Variants in RPTN observed in about 807,000 individuals in gnomAD.
RPTN encodes the protein repetin, also known as intermediate filament-associated protein.
A neutral mutation model predicts 3.6 loss-of-function variants in RPTN; 4 were observed. The ratio of observed to expected loss-of-function variants is 1.12; its 90% CI spans 0.55 to 2.55. The LOEUF is 2.55. Ranked by LOEUF, RPTN falls within the 30% of genes most tolerant of loss-of-function variation. The pLI is 0.02. For missense variants in RPTN, 860 were observed against 916.7 expected (o/e 0.94, Z 0.80); for synonymous variants, 293 against 319.3 (o/e 0.92, Z 0.88).
chr1:152,154,602 G>T lies in RPTN; in HGVS notation c.*142C>A. On this transcript the variant is annotated 3_prime_UTR_variant, in exon 3 of 3. Transcript: ENST00000316073. Reference sequence around the variant, plus strand: ...TGGCTCTGGTCATCCTCTTTCATGTGGAATTTTTCTCTGTTAGGACAGCTT... The same window carrying T: ...TGGCTCTGGTCATCCTCTTTCATGTTGAATTTTTCTCTGTTAGGACAGCTT... The T allele has an allele frequency of 8.6e-7, 1 of 1,163,710 alleles. No homozygotes were observed. The highest frequency in any genetic ancestry group is 1.2e-6 in the Non-Finnish European group (1 of 814,156). 72.1% of individuals were successfully genotyped at this position (1,163,710 alleles called of 1,614,324 possible).
In RPTN at chr1:152,154,698, T is replaced by C; in HGVS notation, c.*46A>G. On this transcript the variant is annotated 3_prime_UTR_variant, in exon 3 of 3. Coordinates refer to ENST00000316073, the MANE Select transcript of RPTN (RefSeq NM_001122965.1). ...TCTTTCTCCTCATAGTTTTGTCTAT[T>C]ATGTTGTTGCTGATGGTTTTGATCC... 1 of 1,602,298 alleles carries C rather than the reference T, an allele frequency of 6.2e-7. No homozygotes were observed. Among genetic ancestry groups the C allele is most frequent in the Non-Finnish European group, 8.5e-7 (1 of 1,173,694 alleles).
rs750184332 is a variant in RPTN at position 152,156,123 on chromosome 1, C to T, written c.976G>A (p.Gly326Ser). ...GGCTGACTGTAGTGGGAACTCTGGC[C>T]TTGTCTGTCCGTCTGACTGTAGTGG... ...SSHYSQTDRQ[G>S]QSSHYSQPDR... The change falls in exon 3 of 3, where the codon GGC becomes AGC. Residue 326 changes from glycine to serine, a missense_variant. By Grantham distance (56) the Gly-to-Ser change is moderately conservative (BLOSUM62 0). Coordinates refer to ENST00000316073, the MANE Select transcript of RPTN (RefSeq NM_001122965.1). 6.2e-7 allele frequency: 1 copy of T among 1,613,726 alleles called. No individual in the cohort carries two copies. The highest frequency in any genetic ancestry group is 1.7e-5 in the Admixed American group (1 of 60,010).
chr1:152,156,977 C>G lies in RPTN; in HGVS notation c.139-17G>C. The G allele has an allele frequency of 1.3e-6, 2 of 1,597,094 alleles. No individual in the cohort carries two copies. The highest frequency in any genetic ancestry group is 1.7e-6 in the Non-Finnish European group (2 of 1,171,528). ...ATTTGGTCTCTGTTAGGAGATAAAA[C>G]AAAGAGCAAAATCAGATGCTGTCTT... On this transcript the variant is annotated splice_polypyrimidine_tract_variant and intron_variant, in intron 2 of 2. Transcript: ENST00000316073.
rs1557823579 is a variant in RPTN, at chr1:152,154,805, T to TCA, written c.2293_2294insTG (p.Lys765MetfsTer58). On this transcript the variant is annotated frameshift_variant, in exon 3 of 3. Transcript: ENST00000316073. LOFTEE classifies it low-confidence loss of function (END_TRUNC). The stretch of plus-strand genomic sequence containing the variant: ...CCTGTCTCGTCTCTGACGGTTCTGC[T>TCA]TGTCTTCATGGGTTTGCCTGTCTCG... 6.2e-7 allele frequency: 1 copy of TCA among 1,613,966 alleles called. No individual in the cohort carries two copies. Among genetic ancestry groups the TCA allele is most frequent in the East Asian group, 2.2e-5 (1 of 44,822 alleles).
At position 152,156,972 on chromosome 1, in the gene RPTN, T is replaced by C; in HGVS notation, c.139-12A>G. 6.2e-7 allele frequency: 1 copy of C among 1,601,278 alleles called. No individual in the cohort carries two copies. The highest frequency in any genetic ancestry group is 8.5e-7 in the Non-Finnish European group (1 of 1,173,614). ...GGGTCATTTGGTCTCTGTTAGGAGA[T>C]AAAACAAAGAGCAAAATCAGATGCT... On this transcript the variant is annotated splice_polypyrimidine_tract_variant and intron_variant, in intron 2 of 2. Coordinates refer to ENST00000316073, the MANE Select transcript of RPTN (RefSeq NM_001122965.1).
rs768681801 is a variant in RPTN, at chr1:152,155,295, C to T, written c.1804G>A (p.Glu602Lys). 11 of 1,614,128 alleles carry T rather than the reference C, an allele frequency of 6.8e-6. No homozygotes were observed. The highest frequency in any genetic ancestry group is 9.3e-6 in the Non-Finnish European group (11 of 1,180,052). The change falls in exon 3 of 3, where the codon GAA becomes AAA. Residue 602 changes from glutamate to lysine, a missense_variant. Coordinates refer to ENST00000316073, the MANE Select transcript of RPTN (RefSeq NM_001122965.1). ...ACATAAGAGGCTTTTCTTGTTCCTTCAGTCCCTTGGAAGTACTTATTTTGC... is the reference window on the plus strand; with the variant it reads ...ACATAAGAGGCTTTTCTTGTTCCTTTAGTCCCTTGGAAGTACTTATTTTGC... The part of the protein sequence containing the change: ...QGQNKYFQGT[E>K]GTRKASYVEQ...
At chr1:152,157,727 G>A (rs757843671) in intron 2 of RPTN, 25 bp downstream of exon 2, 20 of 1,613,084 alleles carry the variant, frequency 1.2e-5, no homozygotes, top group Non-Finnish European at 1.5e-5. Flanking sequence ...TTGATCTCAT[G>A]GGGCTGTGTG....
Position 152,156,146 on chromosome 1 carries a change from T to G in RPTN, c.953A>C (p.His318Pro), listed in dbSNP as rs879199949. The G allele has an allele frequency of 6.2e-7, 1 of 1,613,906 alleles. No individual in the cohort carries two copies. Among genetic ancestry groups the G allele is most frequent in the Non-Finnish European group, 8.5e-7 (1 of 1,179,956 alleles). Residue 318 changes from histidine (H) to proline (P), a missense_variant, in exon 3 of 3, where the codon CAC (histidine) becomes CCC (proline). His to Pro is a moderately conservative substitution (Grantham distance 77). Transcript: ENST00000316073. ...GQTDRQGQSSHYSQTDRQGQS... is the reference protein window; with the variant it reads ...GQTDRQGQSSPYSQTDRQGQS... The stretch of plus-strand genomic sequence containing the variant: ...GCCTTGTCTGTCCGTCTGACTGTAG[T>G]GGGAACTCTGGCCTTGTCTGTCTGT...
At chr1:152,158,002 A>C in intron 1 of RPTN, 93 bp from the exon 2 acceptor site, 3 of 1,023,796 alleles carry the variant, frequency 2.9e-6, no homozygotes, top group Non-Finnish European at 1.5e-6. Flanking sequence ...ATCTGGGAGA[A>C]AGTTTAAGAA....
rs375240857 is a variant in RPTN at position 152,155,519 on chromosome 1, T to A, written c.1580A>T (p.Asp527Val). 3.9e-5 allele frequency: 62 copies of A among 1,609,052 alleles called. No homozygotes were observed. In the African/African-American group the frequency reaches 6.6e-4, roughly 17 times the overall value. Reference protein sequence around the residue: ...QGQSFHYGQPDRQGQSSHYSQ... With the variant: ...QGQSFHYGQPVRQGQSSHYSQ... The stretch of plus-strand genomic sequence containing the variant: ...GTAGTGGGAACTCTGGCCTTGTCTG[T>A]CTGGCTGACCATAGTGGAAACTCTG... The change falls in exon 3 of 3, where the codon GAC becomes GTC. Residue 527 changes from aspartate to valine, a missense_variant. By Grantham distance (152) the Asp-to-Val change is radical. Transcript: ENST00000316073.
chr1:152,158,300 T>C (rs1289900025), intron 1 of RPTN, among the ~76,000 whole-genome samples: 1 of 152,130 alleles, frequency 6.6e-6, no homozygotes, highest in Non-Finnish European at 1.5e-5. Flanking sequence ...AATTTTCGAC[T>C]AACAACTAGC....
rs1269386390 is a variant in RPTN, at chr1:152,154,848, C to T, written c.2251G>A (p.Glu751Lys). 1 of 1,613,768 alleles carries T rather than the reference C, an allele frequency of 6.2e-7. No homozygotes were observed. The highest frequency in any genetic ancestry group is 8.5e-7 in the Non-Finnish European group (1 of 1,179,796). The part of the protein sequence containing the change: ...QRRDRQTHEH[E>K]QSHQRRDRQT... The stretch of plus-strand genomic sequence containing the variant: ...CTGTCTCGTCTCTGATGGCTCTGCT[C>T]ATGTTCATGGGTTTGTCTGTCTCGT... Residue 751 changes from glutamate to lysine, a missense_variant, in exon 3 of 3, where the codon GAG becomes AAG. Coordinates refer to ENST00000316073, the MANE Select transcript of RPTN (RefSeq NM_001122965.1).
rs1557823535 is a variant in RPTN at position 152,154,744 on chromosome 1, T to C, written c.2355A>G (p.Ter785TrpextTer108). The change falls in exon 3 of 3, where the codon TGA becomes TGG. Residue 785 changes from the stop codon to tryptophan, a stop_lost. Coordinates refer to ENST00000316073, the MANE Select transcript of RPTN (RefSeq NM_001122965.1). ...GATCCTCTTCATGAGTTTGCCTGTC[T>C]CATCTCTGATGGTTCTGCTCGTCTT... ...THEDEQNHQR* is the reference protein window; with the variant it reads ...THEDEQNHQRW 6.2e-7 allele frequency: 1 copy of C among 1,613,800 alleles called. No homozygotes were observed. The highest frequency in any genetic ancestry group is 2.2e-5 in the East Asian group (1 of 44,870).
Position 152,156,545 on chromosome 1 carries a change from G to A in RPTN, c.554C>T (p.Ser185Phe), listed in dbSNP as rs755503352. 1 of 1,614,034 alleles carries A rather than the reference G, an allele frequency of 6.2e-7. No individual in the cohort carries two copies. The highest frequency in any genetic ancestry group is 1.3e-5 in the African/African-American group (1 of 74,938). ...GCTGAAATCCTTGTCTTGTCTCTCA[G>A]ACTGATTGTGGTGAGAATCTCTGTC... ...RQDRDSHHNQ[S>F]ERQDKDFSFD... is the part of the protein sequence containing the mutation. The change falls in exon 3 of 3, where the codon TCT (serine) becomes TTT (phenylalanine). Residue 185 changes from serine to phenylalanine, a missense_variant. By Grantham distance (155) the Ser-to-Phe change is radical. Transcript: ENST00000316073.
chr1:152,154,274 T>C lies in RPTN; in HGVS notation c.*470A>G, dbSNP rs1659145937. The C allele has an allele frequency of 6.1e-6, 1 of 164,796 alleles. No homozygotes were observed. The highest frequency in any genetic ancestry group is 1.3e-5 in the Non-Finnish European group (1 of 75,518). 10.2% of individuals were successfully genotyped at this position (164,796 alleles called of 1,614,324 possible). ...CCAAAAGCCCTTACGTGAATGCTAG[T>C]ACTCAAAAACATCCTTGCAGGGAGA... On this transcript the variant is annotated 3_prime_UTR_variant, in exon 3 of 3. Coordinates refer to ENST00000316073, the MANE Select transcript of RPTN (RefSeq NM_001122965.1).
At position 152,154,900 on chromosome 1, in the gene RPTN, G is replaced by A. The variant is rs775484260; in HGVS notation, c.2199C>T (p.Thr733=). 53 of 1,614,002 alleles carry A rather than the reference G, an allele frequency of 3.3e-5. No individual in the cohort carries two copies. The highest frequency in any genetic ancestry group is 4.5e-5 in the Non-Finnish European group (53 of 1,180,016). Residue 733 remains threonine, a synonymous_variant, in exon 3 of 3, where the codon ACC becomes ACT. Coordinates refer to ENST00000316073, the MANE Select transcript of RPTN (RefSeq NM_001122965.1). ...EGPCGTQDRR[T]HKDEQNHQRR... is the part of the protein sequence containing the mutation. ...TCTGATGGTTCTGCTCATCTTTATG[G>A]GTTCGCCTGTCCTGTGTCCCACATG...
rs1340702713 is a variant in RPTN at position 152,157,771 on chromosome 1, T to C, written c.119A>G (p.Glu40Gly). Residue 40 changes from glutamate (E) to glycine (G), a missense_variant, in exon 2 of 3, where the codon GAG becomes GGG. Transcript: ENST00000316073. ...KEELKQLLLAEFGDILQRPND... is the reference protein window; with the variant it reads ...KEELKQLLLAGFGDILQRPND... ...TCTTACCTGGAGGATGTCTCCAAAC[T>C]CAGCCAAGAGCAGTTGTTTCAACTC... 1.2e-6 allele frequency: 2 copies of C among 1,614,010 alleles called. No homozygotes were observed. Among genetic ancestry groups the C allele is most frequent in the Non-Finnish European group, 8.5e-7 (1 of 1,179,940 alleles).
At position 152,155,086 on chromosome 1, in the gene RPTN, TG is replaced by T; in HGVS notation, c.2012del (p.Pro671HisfsTer31). 1 of 1,614,094 alleles carries T rather than the reference TG, an allele frequency of 6.2e-7. No individual in the cohort carries two copies. The highest frequency in any genetic ancestry group is 8.5e-7 in the Non-Finnish European group (1 of 1,179,990). Reference protein sequence around the residue: ...KLLAQIQQERPLCHKGRDWQS... With the variant: ...KLLAQIQQERXLCHKGRDWQS... ...GCCAGTCTCTCCCTTTGTGACAAAGTGGTCTTTCTTGTTGGATTTGTGCTAA... is the reference window on the plus strand; with the variant it reads ...GCCAGTCTCTCCCTTTGTGACAAAGTGTCTTTCTTGTTGGATTTGTGCTAA... On this transcript the variant is annotated frameshift_variant, in exon 3 of 3. Coordinates refer to ENST00000316073, the MANE Select transcript of RPTN (RefSeq NM_001122965.1). LOFTEE classifies it low-confidence loss of function (END_TRUNC).
At position 152,156,703 on chromosome 1, in the gene RPTN, G is replaced by A. The variant is rs1659213587; in HGVS notation, c.396C>T (p.Ser132=). ...RQRHEEERQN[S]HHSQPERQDG... Reference sequence around the variant, plus strand: ...CTTGTCTCTCAGGCTGACTGTGGTGGGAGTTCTGCCTTTCTTCCTCGTGCC... The same window carrying A: ...CTTGTCTCTCAGGCTGACTGTGGTGAGAGTTCTGCCTTTCTTCCTCGTGCC... The change falls in exon 3 of 3, where the codon TCC becomes TCT. Residue 132 remains serine, a synonymous_variant. Coordinates refer to ENST00000316073, the MANE Select transcript of RPTN (RefSeq NM_001122965.1). 8.1e-6 allele frequency: 13 copies of A among 1,614,010 alleles called. No homozygotes were observed. The highest frequency in any genetic ancestry group is 1.3e-5 in the African/African-American group (1 of 75,034).
Sources: gnomAD v4.1 joint callset for allele counts (sites outside exome capture counted in the v4.1 genomes callset) on GRCh38, gnomAD v4.1.1 for gene constraint, MANE v1.5 for transcripts, NCBI Gene and HGNC (gene_info 2026-07-23, HGNC 2026-07-21) for gene names.